Variants in TMEM132B observed in about 807,000 individuals in gnomAD.
The protein encoded by TMEM132B is transmembrane protein 132B.
A neutral mutation model predicts 90.8 loss-of-function variants in TMEM132B; 18 were observed. The ratio of observed to expected loss-of-function variants is 0.20; its 90% CI spans 0.14 to 0.29. TMEM132B has a LOEUF of 0.29. Among genes scored for constraint, TMEM132B ranks in the 10% least tolerant of loss-of-function variants. The probability of loss-of-function intolerance (pLI) is 1.00; values close to 1 mark genes in which losing one functional copy is unlikely to be tolerated. For missense variants in TMEM132B, 1,096 were observed against 1,326.8 expected, an observed-to-expected ratio of 0.83 and a Z score of 2.70; for synonymous variants, 504 against 523.3, an observed-to-expected ratio of 0.96 and a Z score of 0.50.
At chr12:125,584,026 G>T in intron 5 of TMEM132B, 32 bp downstream of exon 5, 1 of 1,613,896 alleles carries the variant, frequency 6.2e-7, no homozygotes, top group Non-Finnish European at 8.5e-7. Flanking sequence ...GCTGTCCTAA[G>T]TGCTCAGAGC....
intron 3 of TMEM132B, among the ~76,000 whole-genome samples, chr12:125,427,284 G>A (rs1310434552): frequency 6.6e-6 from 1 of 152,172 alleles, no homozygotes; most frequent in Non-Finnish European, 1.5e-5. Context: ...GCACTACTGT[G>A]TGCCAGGTCC....
intron 1 of TMEM132B, among the ~76,000 whole-genome samples, chr12:125,231,913 C>A (rs191378707): frequency 6.6e-6 from 1 of 151,820 alleles, no homozygotes; most frequent in African/African-American, 2.4e-5. Flanking sequence ...CAGTCTTTCA[C>A]TCTAAAAATA....
chr12:125,423,958 C>T (rs1880241362), intron 3 of TMEM132B, among the ~76,000 whole-genome samples: 1 of 152,194 alleles, frequency 6.6e-6, no homozygotes, highest in African/African-American at 2.4e-5. Flanking sequence ...GGTTAACCCT[C>T]TTCCCAGAAA....
intron 1 of TMEM132B, among the ~76,000 whole-genome samples, chr12:125,200,541 A>T (rs1315848982): frequency 1.3e-5 from 2 of 152,140 alleles, no homozygotes; most frequent in African/African-American, 4.8e-5. Context: ...CTGCCTCATG[A>T]GATGGGGGAT....
At chr12:125,591,388 A>G (rs577154684) in intron 5 of TMEM132B, among the ~76,000 whole-genome samples, 1 of 151,974 alleles carries the variant, frequency 6.6e-6, no homozygotes, top group South Asian at 2.1e-4. Context: ...TAGCATCTCC[A>G]ACTCTCTCTC....
At chr12:125,193,216 AG>A (rs1462743306) in intron 1 of TMEM132B, among the ~76,000 whole-genome samples, 2 of 152,176 alleles carry the variant, frequency 1.3e-5, no homozygotes, top group Non-Finnish European at 2.9e-5. Flanking sequence ...CTGTTGAGTG[AG>A]GGGTAGGATG....
chr12:125,353,134 T>G (rs898210239), intron 2 of TMEM132B, among the ~76,000 whole-genome samples: 1 of 152,088 alleles, frequency 6.6e-6, no homozygotes, highest in Admixed American at 6.5e-5. Flanking sequence ...CTCTCAGCAC[T>G]CCCTCTACCA....
intron 2 of TMEM132B, among the ~76,000 whole-genome samples, chr12:125,412,259 T>G (rs1342915492): frequency 1.3e-5 from 2 of 152,074 alleles, no homozygotes; most frequent in East Asian, 3.8e-4. Context: ...TGGGTCAGAA[T>G]AAAAGAAGGA....
At chr12:125,464,196 C>T (rs1174641008) in intron 3 of TMEM132B, among the ~76,000 whole-genome samples, 1 of 152,184 alleles carries the variant, frequency 6.6e-6, no homozygotes, top group African/African-American at 2.4e-5. Flanking sequence ...CAACTGAACT[C>T]TCTCTCAGCC....
intron 4 of TMEM132B, among the ~76,000 whole-genome samples, chr12:125,548,267 CT>C (rs151205918): frequency 0.011 from 1,737 of 152,308 alleles, 19 homozygotes; most frequent in Non-Finnish European, 0.018. Flanking sequence ...AGTCACAGGC[CT>C]CCCCTTCCCA....
At chr12:125,617,588 A>AC (rs1351370470) in intron 5 of TMEM132B, among the ~76,000 whole-genome samples, 3 of 150,496 alleles carry the variant, frequency 2.0e-5, no homozygotes, top group Admixed American at 6.6e-5. Flanking sequence ...CAGGTGATCC[A>AC]CCCCCCTCGG....
In TMEM132B at chr12:125,406,515, G is replaced by A. The variant is rs1392647067; in HGVS notation, c.960-9016G>A. Among the ~76,000 whole-genome samples the A allele has an allele frequency of 1.3e-5, 2 of 152,210 alleles. No homozygotes were observed. Among genetic ancestry groups the A allele is most frequent in the Non-Finnish European group, 1.5e-5 (1 of 68,038 alleles). ...TCTGAGACTCACTGGTCTGGACTGA[G>A]CCATGCTCCTCTTTGCATTTCCAAG... is the stretch of plus-strand genomic sequence containing the variant. On this transcript the variant is annotated intron_variant, in intron 2 of 8. Coordinates refer to ENST00000682704, the MANE Select transcript of TMEM132B (RefSeq NM_001366854.1). This position sits in a 1 kb window ranked among gnomAD's most constrained non-coding sequence, Gnocchi z 8.3.
chr12:125,379,852 GCC>G (rs1327577041), intron 2 of TMEM132B, among the ~76,000 whole-genome samples: 11 of 152,208 alleles, frequency 7.2e-5, no homozygotes, highest in Admixed American at 1.3e-4. Context: ...TCCAAGTGCT[GCC>G]ACTACAGGTA....
At chr12:125,405,978 A>G (rs1879462774) in intron 2 of TMEM132B, among the ~76,000 whole-genome samples, 1 of 152,086 alleles carries the variant, frequency 6.6e-6, no homozygotes, top group African/African-American at 2.4e-5. Context: ...ATTTGGTAGT[A>G]TTGTCTTCAG....
chr12:125,636,453 T>G (rs1886481319), intron 5 of TMEM132B, among the ~76,000 whole-genome samples: 2 of 152,216 alleles, frequency 1.3e-5, no homozygotes. Flanking sequence ...ACTTGGTGCT[T>G]CTTAGCCTAG....
At chr12:125,239,999 C>T (rs562379320) in intron 1 of TMEM132B, among the ~76,000 whole-genome samples, 102 of 152,286 alleles carry the variant, frequency 6.7e-4, no homozygotes, top group African/African-American at 2.5e-3. Flanking sequence ...TGACAACATC[C>T]CAATTCAGCT....
chr12:125,236,883 T>A (rs907617100), intron 1 of TMEM132B, among the ~76,000 whole-genome samples: 2 of 152,194 alleles, frequency 1.3e-5, no homozygotes, highest in African/African-American at 4.8e-5. Flanking sequence ...AGACAAAGAT[T>A]TGGGTACCTG....
chr12:125,260,192 C>T (rs902731123), intron 1 of TMEM132B, among the ~76,000 whole-genome samples: 3 of 152,240 alleles, frequency 2.0e-5, no homozygotes, highest in East Asian at 1.9e-4. Flanking sequence ...GTTTGGTCAA[C>T]GTTTATGGAG....
At chr12:125,593,172 CCTT>C (rs1885359913) in intron 5 of TMEM132B, among the ~76,000 whole-genome samples, 7 of 152,116 alleles carry the variant, frequency 4.6e-5, no homozygotes. Context: ...CTAATTTTGT[CCTT>C]CTTTATGCTG....
Sources: allele counts gnomAD v4.1 joint callset (sites outside exome capture counted in the v4.1 genomes callset), GRCh38; gene constraint gnomAD v4.1.1; non-coding constraint Gnocchi (gnomAD v3.1); transcripts MANE v1.5; gene names NCBI Gene and HGNC (gene_info 2026-07-23, HGNC 2026-07-21).